GGT5: variants seen among roughly 807,000 people sequenced by gnomAD.
GGT5 encodes the protein glutathione hydrolase 5 proenzyme.
In GGT5, 50 loss-of-function variants were observed where a neutral mutation model predicts 58.1. The ratio of observed to expected loss-of-function variants is 0.86; its 90% CI spans 0.69 to 1.09. The LOEUF (loss-of-function observed/expected upper bound fraction) is 1.09. Ranked by LOEUF, GGT5 falls within the 50% of genes least tolerant of loss-of-function variation. The pLI is 0.00. For synonymous variants in GGT5, 370 were observed against 346.1 expected (o/e 1.07, Z -0.77); for missense variants, 800 against 789.4 (o/e 1.01, Z -0.16).
At chr22:24,244,301 A>ACC in intron 1 of GGT5, 1 of 449,460 alleles carries the variant, frequency 2.2e-6, no homozygotes, top group Admixed American at 3.8e-5. Flanking sequence ...ACGTGCACAC[A>ACC]CACACACACA....
At position 24,225,247 on chromosome 22, in the gene GGT5, G is replaced by T; in HGVS notation, c.1501C>A (p.Gln501Lys). Residue 501 changes from glutamine (Q) to lysine (K), a missense_variant and splice_region_variant, in exon 10 of 12, where the codon CAG becomes AAG. Gln to Lys is a moderately conservative substitution (Grantham distance 53). Transcript: ENST00000327365. ...GGELIISAVA[Q>K]AIMSKLWLGF... ...CGAGCCAGGAGCCCCAGACTCACCT[G>T]GGCCACAGCAGAGATGATGAGCTCC... The T allele has an allele frequency of 6.2e-7, 1 of 1,613,178 alleles. No individual in the cohort carries two copies. The highest frequency in any genetic ancestry group is 8.5e-7 in the Non-Finnish European group (1 of 1,179,756).
intron 3 of GGT5, 82 bp from the exon 4 acceptor site, chr22:24,233,100 G>T: frequency 9.4e-7 from 1 of 1,066,742 alleles, no homozygotes; most frequent in Non-Finnish European, 1.3e-6. Flanking sequence ...TGGCCCCCCA[G>T]TTACAGCAGC....
At position 24,225,588 on chromosome 22, in the gene GGT5, A is replaced by G. The variant is rs756289453; in HGVS notation, c.1294T>C (p.Cys432Arg). The change falls in exon 9 of 12, where the codon TGC becomes CGC. Residue 432 changes from cysteine to arginine, a missense_variant. Cys to Arg is a radical substitution (Grantham distance 180, BLOSUM62 -3). Transcript: ENST00000327365. ...IILNNELLDL[C>R]ERCPRGSGTT... is the part of the protein sequence containing the mutation. ...CCGGAACCCCGGGGGCATCGCTCGC[A>G]TAAGTCCAGGAGCTCGTTGTTGAGG... is the stretch of plus-strand genomic sequence containing the variant. 5.0e-6 allele frequency: 8 copies of G among 1,613,410 alleles called. No homozygotes were observed. The highest frequency in any genetic ancestry group is 1.3e-5 in the African/African-American group (1 of 74,910).
intron 5 of GGT5, 96 bp from the exon 6 acceptor site, chr22:24,231,626 T>C: frequency 8.0e-7 from 1 of 1,257,656 alleles, no homozygotes; most frequent in East Asian, 2.5e-5. Flanking sequence ...ATTCCACTCA[T>C]GCTTTTGCCT....
chr22:24,243,108 T>C (rs189534449), intron 1 of GGT5: 2 of 152,110 alleles, frequency 1.3e-5, no homozygotes, highest in East Asian at 3.9e-4. Flanking sequence ...ACCTAGAAAT[T>C]TGTGGCAGCA....
In GGT5 at chr22:24,229,695, T is replaced by A. The variant is rs191500449; in HGVS notation, c.901+1689A>T. Among the ~76,000 whole-genome samples the A allele has an allele frequency of 1.3e-3, 193 of 149,050 alleles. 1 individual carries two copies. The highest frequency in any genetic ancestry group is 0.01 in the South Asian group (49 of 4,686). On this transcript the variant is annotated intron_variant, in intron 6 of 11. Coordinates refer to ENST00000327365, the MANE Select transcript of GGT5 (RefSeq NM_004121.5). ...AAAAAAATAAAATAAATAAATAAAT[T>A]AATTAATTAACCAGGCTTGGTAGCG...
At chr22:24,231,654 G>A in intron 5 of GGT5, 124 bp from the exon 6 acceptor site, 1 of 1,015,376 alleles carries the variant, frequency 9.8e-7, no homozygotes, top group Non-Finnish European at 1.4e-6. Flanking sequence ...ACAGGATGAT[G>A]GTAGGTCTGT....
intron 11 of GGT5, chr22:24,220,557 G>A (rs1214874941): frequency 1.3e-5 from 6 of 456,490 alleles, no homozygotes; most frequent in Non-Finnish European, 2.6e-5. Context: ...TTTGAGACCA[G>A]CCTGGGCAAT....
chr22:24,228,085 A>AAAAACC (rs2047830769), intron 6 of GGT5, among the ~76,000 whole-genome samples: 1 of 146,688 alleles, frequency 6.8e-6, no homozygotes, highest in African/African-American at 2.5e-5. Flanking sequence ...AAAAAAAAAA[A>AAAAACC]CTCTGAAAAA....
At chr22:24,244,472 A>ACT in intron 1 of GGT5, 81 bp downstream of exon 1, 2 of 350,092 alleles carry the variant, frequency 5.7e-6, no homozygotes, top group Non-Finnish European at 8.4e-6. Flanking sequence ...ACATTCACTC[A>ACT]CACACACACA....
chr22:24,226,052 C>A, intron 8 of GGT5, 24 bp downstream of exon 8: 1 of 1,509,616 alleles, frequency 6.6e-7, no homozygotes, highest in Admixed American at 2.0e-5. Flanking sequence ...TGAAGCCATC[C>A]GCCTTCCCCC....
At chr22:24,244,513 C>G (rs750730332) in intron 1 of GGT5, 40 bp downstream of exon 1, 18 of 1,569,088 alleles carry the variant, frequency 1.1e-5, no homozygotes, top group Non-Finnish European at 1.6e-5. Flanking sequence ...GAGGGGCTGG[C>G]TGCCAAGGGC....
chr22:24,238,873 TA>T (rs1569372058), intron 1 of GGT5, among the ~76,000 whole-genome samples: 161 of 11,758 alleles, frequency 0.014, 10 homozygotes, highest in Admixed American at 0.09. Context: ...ATAATATATA[TA>T]ATATATATTA....
chr22:24,244,394 ACACT>A (rs2048413790), intron 1 of GGT5, 155 bp downstream of exon 1: 1 of 673,632 alleles, frequency 1.5e-6, no homozygotes, highest in Non-Finnish European at 2.6e-6. Context: ...ACACTCACAT[ACACT>A]CACACACACC....
chr22:24,228,152 G>C (rs180816705), intron 6 of GGT5, among the ~76,000 whole-genome samples: 1 of 150,760 alleles, frequency 6.6e-6, no homozygotes, highest in Non-Finnish European at 1.5e-5. Flanking sequence ...CCCCGTTCTC[G>C]GCTGGGTGCA....
intron 1 of GGT5, 74 bp from the exon 2 acceptor site, chr22:24,234,078 C>T: frequency 2.8e-6 from 4 of 1,453,246 alleles, no homozygotes; most frequent in Non-Finnish European, 3.7e-6. Flanking sequence ...TCAGCTGGCA[C>T]TCATTGGAGA....
intron 6 of GGT5, among the ~76,000 whole-genome samples, chr22:24,227,264 T>G (rs118176245): frequency 1.2e-3 from 181 of 147,954 alleles, no homozygotes; most frequent in Non-Finnish European, 1.5e-3. Context: ...TTGTGTTTTT[T>G]GGAGAGGAAG....
rs1266871897 is a variant in GGT5 at position 24,225,096 on chromosome 22, C to T, written c.1514G>A (p.Ser505Asn). 1 of 1,601,834 alleles carries T rather than the reference C, an allele frequency of 6.2e-7. No homozygotes were observed. Among genetic ancestry groups the T allele is most frequent in the Non-Finnish European group, 8.5e-7 (1 of 1,173,990 alleles). Reference sequence around the variant, plus strand: ...CAGGTCAAAGCCAAGCCACAGCTTGCTCATGATGGCCTGGGGGAGAGATGA... The same window carrying T: ...CAGGTCAAAGCCAAGCCACAGCTTGTTCATGATGGCCTGGGGGAGAGATGA... ...IISAVAQAIM[S>N]KLWLGFDLRA... Residue 505 changes from serine (S) to asparagine (N), a missense_variant, in exon 11 of 12, where the codon AGC becomes AAC. Ser to Asn is a conservative substitution (Grantham distance 46). Transcript: ENST00000327365.
chr22:24,238,433 A>T (rs1222662985), intron 1 of GGT5, among the ~76,000 whole-genome samples: 1 of 150,744 alleles, frequency 6.6e-6, no homozygotes, highest in Non-Finnish European at 1.5e-5. Context: ...TACTTGGGAG[A>T]CTGAGGCAGG....
Sources: gnomAD v4.1 joint callset for allele counts (sites outside exome capture counted in the v4.1 genomes callset) on GRCh38, gnomAD v4.1.1 for gene constraint, MANE v1.5 for transcripts, NCBI Gene and HGNC (gene_info 2026-07-23, HGNC 2026-07-21) for gene names.